Variants in RBFOX1 observed in about 807,000 individuals in gnomAD.
RBFOX1 encodes the protein RNA binding protein fox-1 homolog 1.
In RBFOX1, 8 loss-of-function variants were observed where a neutral mutation model predicts 57.7. That is an observed-to-expected ratio of 0.14 (90% CI 0.08 to 0.25). The LOEUF (loss-of-function observed/expected upper bound fraction) is 0.25. Among genes scored for constraint, RBFOX1 ranks in the 10% least tolerant of loss-of-function variants. The probability of loss-of-function intolerance (pLI) is 1.00; values close to 1 mark genes in which losing one functional copy is unlikely to be tolerated. For missense variants in RBFOX1, 611 were observed against 548.5 expected (o/e 1.11, Z -1.14); for synonymous variants, 326 against 222.4 (o/e 1.47, Z -4.15).
intron 1 of RBFOX1, among the ~76,000 whole-genome samples, chr16:6,110,650 C>T (rs947500204): frequency 1.3e-5 from 2 of 152,256 alleles, no homozygotes; most frequent in East Asian, 1.9e-4. Context: ...CCACGAGTGG[C>T]ATGAAATAGG....
chr16:7,315,677 C>A (rs1389801127), intron 4 of RBFOX1, among the ~76,000 whole-genome samples: 1 of 150,910 alleles, frequency 6.6e-6, no homozygotes, highest in Non-Finnish European at 1.5e-5. Context: ...TGGAACATTA[C>A]ACACACTTTT....
intron 3 of RBFOX1, among the ~76,000 whole-genome samples, chr16:6,961,252 C>G (rs996896319): frequency 6.6e-6 from 1 of 152,154 alleles, no homozygotes; most frequent in Non-Finnish European, 1.5e-5. Flanking sequence ...TGGCCATTTT[C>G]TCAGAACCTG....
intron 1 of RBFOX1, among the ~76,000 whole-genome samples, chr16:5,447,954 G>T (rs1426720700): frequency 6.6e-6 from 1 of 152,192 alleles, no homozygotes; most frequent in Non-Finnish European, 1.5e-5. Context: ...GTGATTGGTT[G>T]TTGATCAGCC....
intron 4 of RBFOX1, among the ~76,000 whole-genome samples, chr16:7,250,410 C>T (rs1017275249): frequency 1.3e-5 from 2 of 152,196 alleles, no homozygotes; most frequent in Non-Finnish European, 2.9e-5. Flanking sequence ...GCCATTTCTT[C>T]ATTTGTGTCT....
rs369577102 is a variant in RBFOX1, at chr16:5,910,893, A to G, written c.351+43558A>G. Among the ~76,000 whole-genome samples the G allele has an allele frequency of 6.6e-5, 10 of 152,278 alleles. No individual in the cohort carries two copies. The East Asian group carries it at 1.5e-3, about 24-fold the overall frequency. Reference sequence around the variant, plus strand: ...ATGGAAGCTGGTGTACAAACACCCCACATCCCTCATCCTCTGGATGGGATA... The same window carrying G: ...ATGGAAGCTGGTGTACAAACACCCCGCATCCCTCATCCTCTGGATGGGATA... On this transcript the variant is annotated intron_variant, in intron 4 of 19. Coordinates refer to the RBFOX1 transcript ENST00000641259.
chr16:5,405,497 A>G (rs530484390), intron 1 of RBFOX1, among the ~76,000 whole-genome samples: 2 of 152,214 alleles, frequency 1.3e-5, no homozygotes, highest in Admixed American at 6.5e-5. Flanking sequence ...CTGTGAGTCC[A>G]TTAAACCTTT....
chr16:6,221,309 G>T (rs1567709387), intron 1 of RBFOX1, among the ~76,000 whole-genome samples: 1 of 152,028 alleles, frequency 6.6e-6, no homozygotes, highest in Admixed American at 6.6e-5. Context: ...CTGTATCACT[G>T]CTGTTTAATT....
intron 4 of RBFOX1, among the ~76,000 whole-genome samples, chr16:5,979,843 A>G (rs1055789580): frequency 2.0e-5 from 3 of 152,190 alleles, no homozygotes; most frequent in African/African-American, 7.2e-5. Context: ...GCCTGGCAAC[A>G]GAGTGAGACT....
chr16:7,347,241 C>A (rs752918505), intron 4 of RBFOX1, among the ~76,000 whole-genome samples: 1 of 152,112 alleles, frequency 6.6e-6, no homozygotes, highest in African/African-American at 2.4e-5. Flanking sequence ...TAAAGACATA[C>A]CGGAGACTGG....
intron 3 of RBFOX1, among the ~76,000 whole-genome samples, chr16:5,810,030 A>G (rs566825381): frequency 3.3e-5 from 5 of 152,196 alleles, no homozygotes; most frequent in Admixed American, 6.5e-5. Context: ...TTGTAGGGAC[A>G]TGGATGAAAT....
intron 3 of RBFOX1, among the ~76,000 whole-genome samples, chr16:6,887,272 C>T (rs938401859): frequency 2.6e-5 from 4 of 152,072 alleles, no homozygotes; most frequent in Admixed American, 6.5e-5. Context: ...GTGTTATCTG[C>T]GAAGATGTTT....
chr16:7,163,265 C>T lies in RBFOX1; in HGVS notation c.27+111167C>T, dbSNP rs375084498. Among the ~76,000 whole-genome samples the T allele has an allele frequency of 1.4e-4, 21 of 152,130 alleles. 1 individual carries two copies. The highest frequency in any genetic ancestry group is 5.9e-4 in the Admixed American group (9 of 15,276). On this transcript the variant is annotated intron_variant, in intron 4 of 15. Coordinates refer to ENST00000550418, the MANE Select transcript of RBFOX1 (RefSeq NM_018723.4). ...TGACTATTACGTTGTTTGATTTGGA[C>T]GAAGGGGCAGGGGGTTGTATAAACG...
intron 4 of RBFOX1, among the ~76,000 whole-genome samples, chr16:5,940,201 T>A (rs931026001): frequency 6.6e-6 from 1 of 152,240 alleles, no homozygotes; most frequent in Non-Finnish European, 1.5e-5. Flanking sequence ...AGAGTAACCA[T>A]TGAGAAACCA....
intron 3 of RBFOX1, among the ~76,000 whole-genome samples, chr16:6,677,472 C>G (rs995767221): frequency 1.3e-5 from 2 of 152,050 alleles, no homozygotes; most frequent in Non-Finnish European, 1.5e-5. Context: ...TCAAAAGATC[C>G]TAAAAAGAAA....
chr16:7,421,934 T>C (rs948170667), intron 4 of RBFOX1, among the ~76,000 whole-genome samples: 11 of 152,236 alleles, frequency 7.2e-5, no homozygotes, highest in African/African-American at 2.7e-4. Flanking sequence ...CACATTATTT[T>C]ATGTCATGCC....
chr16:7,143,107 A>T, intron 4 of RBFOX1, among the ~76,000 whole-genome samples: 1 of 151,996 alleles, frequency 6.6e-6, no homozygotes, highest in East Asian at 1.9e-4. Flanking sequence ...CATTTGCAAA[A>T]TGTTTTCCAT....
chr16:5,496,146 G>A (rs539783282), intron 2 of RBFOX1, among the ~76,000 whole-genome samples: 10 of 152,008 alleles, frequency 6.6e-5, no homozygotes, highest in Non-Finnish European at 1.2e-4. Flanking sequence ...GAAAAGAAAA[G>A]AAAGAAACCC....
At chr16:5,323,339 G>A (rs1039094424) in intron 1 of RBFOX1, among the ~76,000 whole-genome samples, 2 of 152,106 alleles carry the variant, frequency 1.3e-5, no homozygotes, top group Non-Finnish European at 2.9e-5. Context: ...TTACCAAAAA[G>A]CATGGCTGGT....
chr16:6,042,092 C>G (rs758214040), intron 1 of RBFOX1, among the ~76,000 whole-genome samples: 3 of 149,182 alleles, frequency 2.0e-5, no homozygotes, highest in Non-Finnish European at 3.0e-5. Context: ...ATCTCCTGGA[C>G]TCTCTCCTAC....
Sources: gnomAD v4.1 joint callset for allele counts (sites outside exome capture counted in the v4.1 genomes callset) on GRCh38, gnomAD v4.1.1 for gene constraint, MANE v1.5 for transcripts, NCBI Gene and HGNC (gene_info 2026-07-23, HGNC 2026-07-21) for gene names.